The following HECW1 variants were observed in gnomAD, a reference collection of about 807,000 sequenced individuals.
HECW1 encodes E3 ubiquitin-protein ligase HECW1.
Under a neutral mutation model 182.3 loss-of-function variants are expected in HECW1, and 61 were observed. The observed-to-expected ratio is 0.33, with a 90% CI of 0.27 to 0.41. The LOEUF is 0.41. Ranked by LOEUF, HECW1 falls within the 10% of genes least tolerant of loss-of-function variation. HECW1 has a pLI of 1.00. For synonymous variants in HECW1, 859 were observed against 832.6 expected (o/e 1.03, Z -0.55); for missense variants, 1,739 against 2,108.9 (o/e 0.82, Z 3.44).
chr7:43,234,963 T>G (rs1009731373), intron 2 of HECW1, among the ~76,000 whole-genome samples: 6 of 152,236 alleles, frequency 3.9e-5, no homozygotes, highest in African/African-American at 1.4e-4. Context: ...TCTGGGTCCC[T>G]GTGCAGGCCT....
chr7:43,425,304 T>TAGATGATA (rs1554408923), intron 8 of HECW1, among the ~76,000 whole-genome samples: 2 of 148,246 alleles, frequency 1.3e-5, no homozygotes, highest in Admixed American at 6.8e-5. Context: ...GATAGATAGA[T>TAGATGATA]GATAGATAGA....
At chr7:43,505,204 T>A (rs2079528142) in intron 21 of HECW1, among the ~76,000 whole-genome samples, 1 of 152,138 alleles carries the variant, frequency 6.6e-6, no homozygotes, top group African/African-American at 2.4e-5. Flanking sequence ...CCCACAAATG[T>A]GTTCTTTTTC....
Position 43,508,922 on chromosome 7 carries a change from A to G in HECW1, c.3867-47A>G, listed in dbSNP as rs768800113. 7 of 1,599,776 alleles carry G rather than the reference A, an allele frequency of 4.4e-6. No homozygotes were observed. The East Asian group carries it at 1.6e-4, about 36-fold the overall frequency. Reference sequence around the variant, plus strand: ...AATCTGGGTGCAAACAGGTCCCCCCACCTCCGGGCACAGAATGAGCTTCCT... The same window carrying G: ...AATCTGGGTGCAAACAGGTCCCCCCGCCTCCGGGCACAGAATGAGCTTCCT... On this transcript the variant is annotated intron_variant, in intron 23 of 29. Transcript: ENST00000395891.
In HECW1 at chr7:43,221,537, GTTTTTTTTTTTTTTTTTT is replaced by G. The variant is rs71008897; in HGVS notation, c.-31-22313_-31-22296del. Among the ~76,000 whole-genome samples the G allele has an allele frequency of 3.6e-3, 184 of 50,534 alleles. 3 individuals are homozygous for G. The highest frequency in any genetic ancestry group is 5.5e-3 in the Non-Finnish European group (159 of 29,160). The allele number at this position is 50,534 out of a possible 152,430, so 33.2% of individuals were successfully genotyped here. On this transcript the variant is annotated intron_variant, in intron 2 of 29. Coordinates refer to ENST00000395891, the MANE Select transcript of HECW1 (RefSeq NM_015052.5). ...CTAAACTAAATGTCAGAGGAATTAGGTTTTTTTTTTTTTTTTTTTTTTTTTTTTTTTTTTTTTTTTTTG... is the reference window on the plus strand; with the variant it reads ...CTAAACTAAATGTCAGAGGAATTAGGTTTTTTTTTTTTTTTTTTTTTTTTG...
chr7:43,210,570 G>T (rs1231832720), intron 2 of HECW1, among the ~76,000 whole-genome samples: 4 of 152,030 alleles, frequency 2.6e-5, no homozygotes, highest in Non-Finnish European at 5.9e-5. Context: ...GCTAACCTGG[G>T]GTTCTTGGCC....
intron 12 of HECW1, among the ~76,000 whole-genome samples, chr7:43,451,884 T>C (rs970791672): frequency 3.3e-5 from 5 of 152,242 alleles, no homozygotes; most frequent in African/African-American, 9.6e-5. Context: ...CTTTACATTC[T>C]TTTGCCTGTG....
chr7:43,212,796 A>G (rs892188399), intron 2 of HECW1, among the ~76,000 whole-genome samples: 4 of 152,228 alleles, frequency 2.6e-5, no homozygotes, highest in Non-Finnish European at 4.4e-5. Context: ...ATTCTTTAAA[A>G]TGTACATTAA....
intron 2 of HECW1, among the ~76,000 whole-genome samples, chr7:43,195,628 A>G (rs1417899036): frequency 6.6e-6 from 1 of 152,196 alleles, no homozygotes; most frequent in African/African-American, 2.4e-5. Flanking sequence ...CCTGGACTCA[A>G]GCCGATGTCC....
chr7:43,466,022 GGGAA>G (rs139714300), intron 14 of HECW1, among the ~76,000 whole-genome samples: 37,467 of 98,562 alleles, frequency 0.38, 7,612 homozygotes, highest in Middle Eastern at 0.49. Flanking sequence ...GAGGGACAGA[GGGAA>G]GGAAGGAAGG....
At chr7:43,362,928 G>C (rs1434359032) in intron 6 of HECW1, among the ~76,000 whole-genome samples, 7 of 152,232 alleles carry the variant, frequency 4.6e-5, no homozygotes, top group Non-Finnish European at 8.8e-5. Flanking sequence ...GGCTCGTAGG[G>C]GAGAGGAGTT....
intron 2 of HECW1, among the ~76,000 whole-genome samples, chr7:43,220,869 G>A (rs1796881805): frequency 1.3e-5 from 2 of 152,190 alleles, no homozygotes; most frequent in Admixed American, 1.3e-4. Flanking sequence ...GTGCCCCTTG[G>A]CTTTAAAAAT....
chr7:43,175,008 A>T (rs922621223), intron 2 of HECW1, among the ~76,000 whole-genome samples: 1 of 152,092 alleles, frequency 6.6e-6, no homozygotes, highest in East Asian at 1.9e-4. Flanking sequence ...AAACTCAAGG[A>T]TTAGAACAGC....
chr7:43,342,179 A>G lies in HECW1; in HGVS notation c.461-18707A>G, dbSNP rs1041656014. On this transcript the variant is annotated intron_variant, in intron 5 of 29. Coordinates refer to ENST00000395891, the MANE Select transcript of HECW1 (RefSeq NM_015052.5). Reference sequence around the variant, plus strand: ...TTCAACAGGTAATATCAGTTTTTAAATTAACATAAATTTTCCAGTGTTTAC... The same window carrying G: ...TTCAACAGGTAATATCAGTTTTTAAGTTAACATAAATTTTCCAGTGTTTAC... Among the ~76,000 whole-genome samples the G allele has an allele frequency of 3.9e-5, 6 of 151,956 alleles. No individual in the cohort carries two copies. In the East Asian group the frequency reaches 1.2e-3, roughly 29 times the overall value.
At chr7:43,308,268 TTATATATTATATGATATATTTA>T (rs1166803529) in intron 3 of HECW1, among the ~76,000 whole-genome samples, 14 of 102,432 alleles carry the variant, frequency 1.4e-4, no homozygotes, top group East Asian at 4.3e-4. Flanking sequence ...TATGATATAT[TTATATATTATATGATATATTTA>T]TATATATTAT....
intron 2 of HECW1, among the ~76,000 whole-genome samples, chr7:43,213,439 A>ATTTTTTTTTTTTT (rs35199868): frequency 1.1e-5 from 1 of 92,484 alleles, no homozygotes; most frequent in Non-Finnish European, 2.2e-5. Context: ...GATCATAAGA[A>ATTTTTTTTTTTTT]TTTTTTTTTT....
At chr7:43,141,445 T>C (rs1222019401) in intron 2 of HECW1, among the ~76,000 whole-genome samples, 1 of 152,208 alleles carries the variant, frequency 6.6e-6, no homozygotes, top group Admixed American at 6.5e-5. Context: ...TCTTGGAATG[T>C]AGCCAAGAGT....
chr7:43,509,333 C>A, intron 24 of HECW1: 2 of 461,260 alleles, frequency 4.3e-6, no homozygotes. Flanking sequence ...AATATAGCAA[C>A]TGCAAATTGA....
chr7:43,436,740 C>T (rs2076727275), intron 8 of HECW1, among the ~76,000 whole-genome samples: 1 of 152,234 alleles, frequency 6.6e-6, no homozygotes, highest in Non-Finnish European at 1.5e-5. Context: ...TTAGCTTGGG[C>T]TCTGAGGCCT....
intron 17 of HECW1, among the ~76,000 whole-genome samples, chr7:43,481,904 G>A (rs897151535): frequency 8.5e-5 from 11 of 128,846 alleles, no homozygotes; most frequent in African/African-American, 2.9e-4. Context: ...GAACCCGGGA[G>A]GCAGAGCTTG....
Sources: gnomAD v4.1 joint callset for allele counts (sites outside exome capture counted in the v4.1 genomes callset) on GRCh38, gnomAD v4.1.1 for gene constraint, MANE v1.5 for transcripts, NCBI Gene and HGNC (gene_info 2026-07-23, HGNC 2026-07-21) for gene names.